Variants in SLC7A8 observed in about 807,000 individuals in gnomAD.
SLC7A8 encodes the protein large neutral amino acids transporter small subunit 2.
Under a neutral mutation model 51.2 loss-of-function variants are expected in SLC7A8, and 30 were observed. The ratio of observed to expected loss-of-function variants is 0.59; its 90% confidence interval spans 0.44 to 0.80. The LOEUF (loss-of-function observed/expected upper bound fraction) is 0.80. Ranked by LOEUF, SLC7A8 falls within the 30% of genes least tolerant of loss-of-function variation. The pLI is 0.00. For synonymous variants in SLC7A8, 257 were observed against 275.8 expected (o/e 0.93, Z 0.67); for missense variants, 612 against 674.4 (o/e 0.91, Z 1.03).
intron 6 of SLC7A8, 159 bp from the exon 7 acceptor site, chr14:23,138,183 C>T: frequency 2.4e-6 from 2 of 821,804 alleles, no homozygotes; most frequent in East Asian, 2.7e-5. Context: ...GGGTGGACCC[C>T]TACACAGGGT....
intron 1 of SLC7A8, among the ~76,000 whole-genome samples, chr14:23,168,890 C>T (rs1476552442): frequency 1.3e-5 from 2 of 152,180 alleles, no homozygotes; most frequent in East Asian, 3.8e-4. Flanking sequence ...CACTAACTGC[C>T]CACTTCTTGC....
intron 3 of SLC7A8, among the ~76,000 whole-genome samples, chr14:23,149,918 A>G (rs562749913): frequency 2.0e-5 from 3 of 152,342 alleles, no homozygotes; most frequent in Admixed American, 6.5e-5. Flanking sequence ...TTTGTAGACT[A>G]GCAGCAACAG....
chr14:23,154,692 C>A (rs1016056373), intron 3 of SLC7A8, among the ~76,000 whole-genome samples: 3 of 152,184 alleles, frequency 2.0e-5, no homozygotes, highest in African/African-American at 7.2e-5. Context: ...GGTTCCAGTT[C>A]TGCCCACGCA....
chr14:23,128,321 C>T lies in SLC7A8; in HGVS notation c.1264-125G>A. On this transcript the variant is annotated intron_variant, in intron 9 of 10. Coordinates refer to ENST00000316902, the MANE Select transcript of SLC7A8 (RefSeq NM_012244.4). This position sits in a 1 kb window ranked among gnomAD's most constrained non-coding sequence, Gnocchi z 4.3. ...ATCCTCAAGGGCAAAGGCTGGGCTT[C>T]CCTCGGCTCTGTGGTCCCACACTCA... 2 of 1,545,922 alleles carry T rather than the reference C, an allele frequency of 1.3e-6. No homozygotes were observed. Among genetic ancestry groups the T allele is most frequent in the Non-Finnish European group, 8.7e-7 (1 of 1,148,524 alleles).
chr14:23,133,647 G>A (rs1474748310), intron 7 of SLC7A8, among the ~76,000 whole-genome samples: 101 of 151,476 alleles, frequency 6.7e-4, no homozygotes, highest in Admixed American at 6.6e-3. Flanking sequence ...GCCAACATGG[G>A]GAAACCTCGT....
chr14:23,127,464 C>A, intron 10 of SLC7A8, 121 bp from the exon 11 acceptor site: 1 of 1,175,270 alleles, frequency 8.5e-7, no homozygotes, highest in Non-Finnish European at 1.2e-6. Context: ...GCAGTCAGTG[C>A]GTTGAAGAGA....
Position 23,144,689 on chromosome 14 carries a change from C to G in SLC7A8, c.509-1485G>C, listed in dbSNP as rs2140316661. ...GGTCCTGACATTAACCGTCTGTAAC[C>G]TTCCTTTGTGCGCCATCTCCACCTG... On this transcript the variant is annotated intron_variant, in intron 3 of 10. Coordinates refer to ENST00000316902, the MANE Select transcript of SLC7A8 (RefSeq NM_012244.4). Among the ~76,000 whole-genome samples the G allele has an allele frequency of 2.0e-5, 3 of 152,198 alleles. No individual in the cohort carries two copies. In the East Asian group the frequency reaches 5.8e-4, roughly 29 times the overall value.
intron 1 of SLC7A8, among the ~76,000 whole-genome samples, chr14:23,180,980 T>A (rs1231171307): frequency 3.3e-5 from 5 of 151,898 alleles, no homozygotes; most frequent in African/African-American, 1.2e-4. Flanking sequence ...TGAGCCGAGA[T>A]CGCGCCACTG....
chr14:23,144,026 G>T (rs909102767), intron 3 of SLC7A8, among the ~76,000 whole-genome samples: 2 of 152,212 alleles, frequency 1.3e-5, no homozygotes, highest in Non-Finnish European at 2.9e-5. Context: ...TGATATAAAG[G>T]TATCTGTTTG....
chr14:23,139,347 G>C (rs1271652446), intron 6 of SLC7A8, 77 bp downstream of exon 6: 2 of 1,604,122 alleles, frequency 1.2e-6, no homozygotes, highest in East Asian at 4.5e-5. Flanking sequence ...ATGGATCAGG[G>C]AAAAGTGAGT....
intron 7 of SLC7A8, among the ~76,000 whole-genome samples, chr14:23,137,279 TC>T (rs1159175214): frequency 1.2e-4 from 19 of 152,222 alleles, no homozygotes; most frequent in African/African-American, 4.6e-4. Flanking sequence ...GATAAAAGGC[TC>T]TTTCTTTGGA....
intron 4 of SLC7A8, among the ~76,000 whole-genome samples, chr14:23,142,808 T>A (rs2048757448): frequency 6.6e-6 from 1 of 152,110 alleles, no homozygotes. Flanking sequence ...GGCCGATATG[T>A]GGGGTCTTTA....
Position 23,128,228 on chromosome 14 carries a change from G to C in SLC7A8, c.1264-32C>G. 6.2e-7 allele frequency: 1 copy of C among 1,612,744 alleles called. No homozygotes were observed. Among genetic ancestry groups the C allele is most frequent in the Non-Finnish European group, 8.5e-7 (1 of 1,179,438 alleles). On this transcript the variant is annotated intron_variant, in intron 9 of 10. Coordinates refer to ENST00000316902, the MANE Select transcript of SLC7A8 (RefSeq NM_012244.4). The surrounding 1 kb of genome is among the most constrained non-coding windows in gnomAD (Gnocchi z 4.3). ...AGCAGAGGCATGAGGCGTATGAACT[G>C]TGTAGGCCACGTGGCCCCCAGGACT...
At chr14:23,133,209 G>A (rs553870395) in intron 7 of SLC7A8, among the ~76,000 whole-genome samples, 39 of 152,126 alleles carry the variant, frequency 2.6e-4, no homozygotes, top group Non-Finnish European at 4.4e-4. Context: ...AGGCTGAGGC[G>A]GGAGAATCAT....
intron 3 of SLC7A8, chr14:23,155,024 AG>A: frequency 6.6e-6 from 4 of 604,038 alleles, no homozygotes; most frequent in South Asian, 2.7e-5. Flanking sequence ...AAAAAATCAA[AG>A]CAGCCCTTCC....
At chr14:23,161,607 T>TAGGGGGGGGGGG (rs2048922994) in intron 3 of SLC7A8, among the ~76,000 whole-genome samples, 1 of 3,764 alleles carries the variant, frequency 2.7e-4, no homozygotes, top group Non-Finnish European at 5.4e-4. Flanking sequence ...GGTGGGTGGG[T>TAGGGGGGGGGGG]GGGAGGGGTG....
chr14:23,139,371 G>A (rs981801358), intron 6 of SLC7A8, 53 bp downstream of exon 6: 15 of 1,611,068 alleles, frequency 9.3e-6, no homozygotes, highest in Non-Finnish European at 1.2e-5. Context: ...GCTACAGCAG[G>A]CAAGTCTATG....
intron 1 of SLC7A8, among the ~76,000 whole-genome samples, chr14:23,179,695 G>A (rs1329809373): frequency 1.3e-5 from 2 of 151,912 alleles, no homozygotes; most frequent in Non-Finnish European, 2.9e-5. Context: ...TGTGGTCACA[G>A]CTACTGAGGA....
chr14:23,147,343 G>C (rs1056215917), intron 3 of SLC7A8, among the ~76,000 whole-genome samples: 1 of 152,166 alleles, frequency 6.6e-6, no homozygotes, highest in African/African-American at 2.4e-5. Flanking sequence ...CCTGCCTTTA[G>C]GAAGTTGGCA....
Sources: allele counts gnomAD v4.1 joint callset (sites outside exome capture counted in the v4.1 genomes callset), GRCh38; gene constraint gnomAD v4.1.1; non-coding constraint Gnocchi (gnomAD v3.1); transcripts MANE v1.5; gene names NCBI Gene and HGNC (gene_info 2026-07-23, HGNC 2026-07-21).